The following LTBP1 variants were observed in gnomAD, a reference collection of about 807,000 sequenced individuals.
The protein encoded by LTBP1 is latent-transforming growth factor beta-binding protein 1.
In LTBP1, 129 loss-of-function variants were observed where a neutral mutation model predicts 207.6. That is an observed-to-expected ratio of 0.62 (90% confidence interval 0.54 to 0.72). LTBP1 has a LOEUF of 0.72. Among genes scored for constraint, LTBP1 ranks in the 30% least tolerant of loss-of-function variants. LTBP1 has a pLI of 0.00. For synonymous variants in LTBP1, 963 were observed against 833.7 expected (o/e 1.16, Z -2.67); for missense variants, 2,281 against 2,217.2 (o/e 1.03, Z -0.58).
rs1558893393 is a variant in LTBP1, at chr2:33,254,867, T to TG, written c.2167+2023_2167+2024insG. Reference sequence around the variant, plus strand: ...GCGGTGTTTGGTTTTTTTTTTTTTTTTTTTTTTTTTTTTTTTGTATTTTCT... The same window carrying TG: ...GCGGTGTTTGGTTTTTTTTTTTTTTTGTTTTTTTTTTTTTTTTGTATTTTCT... On this transcript the variant is annotated intron_variant, in intron 11 of 33. Coordinates refer to ENST00000404816, the MANE Select transcript of LTBP1 (RefSeq NM_206943.4). Among the ~76,000 whole-genome samples, 12 of 122,042 alleles carry TG rather than the reference T, an allele frequency of 9.8e-5. No homozygotes were observed. The South Asian group carries it at 3.7e-3, about 38-fold the overall frequency. The allele number at this position is 122,042 out of a possible 152,430, so 80.1% of individuals were successfully genotyped here.
intron 3 of LTBP1, chr2:33,056,604 C>T (rs945687991): frequency 3.3e-6 from 1 of 304,512 alleles, no homozygotes; most frequent in Admixed American, 5.2e-5. Context: ...TGTTATAGTT[C>T]TTAAAGGTGG....
chr2:33,062,677 C>T (rs1203777391), intron 3 of LTBP1, among the ~76,000 whole-genome samples: 1 of 152,168 alleles, frequency 6.6e-6, no homozygotes, highest in Non-Finnish European at 1.5e-5. Flanking sequence ...TATGCTAGTA[C>T]AGTAATCGCC....
At chr2:32,960,655 G>A (rs192005129) in intron 2 of LTBP1, among the ~76,000 whole-genome samples, 1 of 152,208 alleles carries the variant, frequency 6.6e-6, no homozygotes, top group African/African-American at 2.4e-5. Context: ...AACTAAAACA[G>A]GGTCACAGGC....
rs534949362 is a variant in LTBP1 at position 33,315,402 on chromosome 2, T to A, written c.3730+133T>A. On this transcript the variant is annotated intron_variant, in intron 24 of 33. Transcript: ENST00000404816. ...GCCTCAAAGCATGTATGCATCAAAG[T>A]AAACCATATCTGAAAGCATAGCTCA... 220 of 1,101,720 alleles carry A rather than the reference T, an allele frequency of 2.0e-4. No individual in the cohort carries two copies. The African/African-American group carries it at 3.3e-3, about 17-fold the overall frequency. 68.2% of individuals were successfully genotyped at this position (1,101,720 alleles called of 1,614,324 possible).
chr2:33,200,291 C>G (rs1006271723), intron 7 of LTBP1, among the ~76,000 whole-genome samples: 16 of 152,052 alleles, frequency 1.1e-4, no homozygotes, highest in South Asian at 4.1e-4. Flanking sequence ...TAAATCAATG[C>G]AACAGAACAG....
In LTBP1 at chr2:33,173,399, A is replaced by T. The variant is rs9677449; in HGVS notation, c.1202-13457A>T. ...CACCTCTACGCAAATAAACTATAAA[A>T]TCTAGAAGAAATGGATAAATTCCTT... On this transcript the variant is annotated intron_variant, in intron 5 of 33. Transcript: ENST00000404816. Among the ~76,000 whole-genome samples the T allele has an allele frequency of 5.3e-3, 807 of 152,320 alleles. 4 individuals carry two copies. Among genetic ancestry groups the T allele is most frequent in the Middle Eastern group, 0.031 (9 of 294 alleles).
intron 3 of LTBP1, among the ~76,000 whole-genome samples, chr2:33,058,339 A>C (rs1283240486): frequency 2.0e-5 from 3 of 152,236 alleles, no homozygotes; most frequent in African/African-American, 7.2e-5. Context: ...AGGCTAAAAG[A>C]AAATTAGAAG....
chr2:33,313,672 A>C (rs115966187), intron 23 of LTBP1, among the ~76,000 whole-genome samples: 1 of 152,206 alleles, frequency 6.6e-6, no homozygotes, highest in African/African-American at 2.4e-5. Context: ...ACATGGGATC[A>C]TTTTTATGAC....
intron 5 of LTBP1, among the ~76,000 whole-genome samples, chr2:33,166,082 T>C (rs2084893458): frequency 6.9e-6 from 1 of 145,120 alleles, no homozygotes; most frequent in Non-Finnish European, 1.5e-5. Flanking sequence ...TTTTTTTTTT[T>C]CTTGTTTGGA....
At chr2:32,958,254 CG>C (rs973432269) in intron 2 of LTBP1, among the ~76,000 whole-genome samples, 4 of 152,134 alleles carry the variant, frequency 2.6e-5, no homozygotes, top group Admixed American at 1.3e-4. Flanking sequence ...GGGCTTGCTA[CG>C]GGGCTGCATT....
chr2:33,273,558 G>A, intron 15 of LTBP1, 98 bp from the exon 16 acceptor site: 2 of 841,412 alleles, frequency 2.4e-6, no homozygotes, highest in Non-Finnish European at 3.5e-6. Context: ...GCAATAATTT[G>A]CTAGTTGGTC....
intron 5 of LTBP1, among the ~76,000 whole-genome samples, chr2:33,161,359 C>T (rs2084454277): frequency 6.6e-6 from 1 of 151,620 alleles, no homozygotes; most frequent in Non-Finnish European, 1.5e-5. Flanking sequence ...CCTCCACCTC[C>T]CAGGTTCAAG....
At chr2:33,378,191 G>A (rs1173818009) in intron 31 of LTBP1, among the ~76,000 whole-genome samples, 86 of 100,246 alleles carry the variant, frequency 8.6e-4, no homozygotes, top group African/African-American at 3.3e-3. Flanking sequence ...ATATATGTGT[G>A]TGTGTGTGTG....
At chr2:33,085,453 G>C (rs1395866518) in intron 3 of LTBP1, among the ~76,000 whole-genome samples, 1 of 152,124 alleles carries the variant, frequency 6.6e-6, no homozygotes, top group Non-Finnish European at 1.5e-5. Context: ...TAGAATTTTG[G>C]TTCTAGGTCC....
intron 4 of LTBP1, among the ~76,000 whole-genome samples, chr2:33,115,037 TAC>T (rs60544598): frequency 0.063 from 9,180 of 144,946 alleles, 309 homozygotes; most frequent in African/African-American, 0.07. Flanking sequence ...AACAGATATA[TAC>T]ACACACACAC....
chr2:33,237,216 T>C (rs1006532388), intron 9 of LTBP1, among the ~76,000 whole-genome samples: 1 of 152,174 alleles, frequency 6.6e-6, no homozygotes, highest in Non-Finnish European at 1.5e-5. Flanking sequence ...CACAGCCAAA[T>C]GTGCAGAAAA....
intron 3 of LTBP1, among the ~76,000 whole-genome samples, chr2:33,110,124 C>G (rs1254093605): frequency 2.6e-5 from 4 of 152,180 alleles, no homozygotes; most frequent in Non-Finnish European, 5.9e-5. Flanking sequence ...GGGTCTCACT[C>G]TTGTCATCCA....
intron 7 of LTBP1, among the ~76,000 whole-genome samples, chr2:33,189,434 G>T (rs956839623): frequency 1.3e-5 from 2 of 152,168 alleles, no homozygotes; most frequent in Admixed American, 1.3e-4. Flanking sequence ...GACCTCAAGT[G>T]GTCTGCCTGC....
chr2:33,198,814 G>A (rs944293194), intron 7 of LTBP1, among the ~76,000 whole-genome samples: 12 of 151,946 alleles, frequency 7.9e-5, no homozygotes, highest in South Asian at 2.1e-4. Context: ...TCTTGCTAGC[G>A]GTCTATCAAT....
Sources: allele counts gnomAD v4.1 joint callset (sites outside exome capture counted in the v4.1 genomes callset), GRCh38; gene constraint gnomAD v4.1.1; transcripts MANE v1.5; gene names NCBI Gene and HGNC (gene_info 2026-07-23, HGNC 2026-07-21).